The following ROBO2 variants were observed in gnomAD, a reference collection of about 807,000 sequenced individuals.
ROBO2 encodes roundabout homolog 2.
In ROBO2, 53 loss-of-function variants were observed where a neutral mutation model predicts 160.8. The ratio of observed to expected loss-of-function variants is 0.33; its 90% CI spans 0.26 to 0.41. The LOEUF is 0.41. Ranked by LOEUF, ROBO2 falls within the 10% of genes least tolerant of loss-of-function variation. The pLI is 1.00. For synonymous variants in ROBO2, 664 were observed against 611.7 expected, an observed-to-expected ratio of 1.09 and a Z score of -1.26; for missense variants, 1,577 against 1,722.4, an observed-to-expected ratio of 0.92 and a Z score of 1.49.
intron 2 of ROBO2, among the ~76,000 whole-genome samples, chr3:76,676,711 C>T (rs1413236348): frequency 6.6e-6 from 1 of 152,026 alleles, no homozygotes; most frequent in East Asian, 1.9e-4. Flanking sequence ...TATATTTCTC[C>T]GAGGAAATAC....
At chr3:76,492,126 CA>C (rs368448650) in intron 2 of ROBO2, among the ~76,000 whole-genome samples, 3 of 149,500 alleles carry the variant, frequency 2.0e-5, no homozygotes, top group East Asian at 3.9e-4. Context: ...CAAAAACGAA[CA>C]AAAAAAAACA....
chr3:75,998,625 A>T (rs973526659), intron 2 of ROBO2, among the ~76,000 whole-genome samples: 4 of 152,234 alleles, frequency 2.6e-5, no homozygotes, highest in Non-Finnish European at 5.9e-5. Context: ...TTTAGAAAAT[A>T]AAAGGTGTTT....
At chr3:76,711,029 G>A (rs1161465452) in intron 2 of ROBO2, among the ~76,000 whole-genome samples, 1 of 152,092 alleles carries the variant, frequency 6.6e-6, no homozygotes, top group Non-Finnish European at 1.5e-5. Flanking sequence ...ATGGTTGACT[G>A]GTCCATAGAA....
At chr3:76,534,022 G>A (rs755423752) in intron 2 of ROBO2, among the ~76,000 whole-genome samples, 2 of 152,106 alleles carry the variant, frequency 1.3e-5, no homozygotes, top group Non-Finnish European at 2.9e-5. Context: ...TAATGGCTGA[G>A]CTTCAGCTCA....
At chr3:76,000,633 T>C (rs2065860270) in intron 2 of ROBO2, among the ~76,000 whole-genome samples, 1 of 151,640 alleles carries the variant, frequency 6.6e-6, no homozygotes, top group African/African-American at 2.4e-5. Flanking sequence ...GGACTACAGG[T>C]GCCTGCCACC....
At chr3:77,183,581 T>C (rs1392162739) in intron 2 of ROBO2, among the ~76,000 whole-genome samples, 1 of 152,034 alleles carries the variant, frequency 6.6e-6, no homozygotes. Context: ...CCAACCCTGC[T>C]GACCCCTTGA....
chr3:77,163,058 A>G (rs1386360108), intron 2 of ROBO2, among the ~76,000 whole-genome samples: 1 of 151,792 alleles, frequency 6.6e-6, no homozygotes, highest in Non-Finnish European at 1.5e-5. Flanking sequence ...CTGGTCTCGA[A>G]CTCCTGACCT....
chr3:76,187,516 C>A (rs1181917068), intron 2 of ROBO2, among the ~76,000 whole-genome samples: 7 of 152,064 alleles, frequency 4.6e-5, no homozygotes, highest in Non-Finnish European at 1.0e-4. Flanking sequence ...ACAAACCATC[C>A]TCTTGCCTTG....
At chr3:76,871,654 A>G (rs1330624719) in intron 2 of ROBO2, among the ~76,000 whole-genome samples, 2 of 152,234 alleles carry the variant, frequency 1.3e-5, no homozygotes, top group Admixed American at 6.5e-5. Flanking sequence ...TTATACAGAT[A>G]AAACATATTT....
intron 2 of ROBO2, among the ~76,000 whole-genome samples, chr3:76,705,778 A>G (rs2093148269): frequency 6.6e-6 from 1 of 152,124 alleles, no homozygotes; most frequent in Non-Finnish European, 1.5e-5. Flanking sequence ...TGTTTGCAGC[A>G]TGATTTCTTT....
At chr3:76,029,779 G>A (rs1297707496) in intron 2 of ROBO2, among the ~76,000 whole-genome samples, 1 of 152,118 alleles carries the variant, frequency 6.6e-6, no homozygotes, top group Non-Finnish European at 1.5e-5. Context: ...TGGACACTTG[G>A]GTTGGTTCCA....
At chr3:77,174,239 T>C (rs1366306799) in intron 2 of ROBO2, among the ~76,000 whole-genome samples, 3 of 152,024 alleles carry the variant, frequency 2.0e-5, no homozygotes, top group Non-Finnish European at 2.9e-5. Context: ...AAAATTCTTC[T>C]AATCCGAAAT....
chr3:76,567,757 ATC>A (rs1553805902), intron 2 of ROBO2, among the ~76,000 whole-genome samples: 5 of 83,856 alleles, frequency 6.0e-5, no homozygotes, highest in African/African-American at 1.0e-4. Flanking sequence ...ATATATATAT[ATC>A]TGTCTGTGTG....
chr3:76,540,821 A>G (rs969172682), intron 2 of ROBO2, among the ~76,000 whole-genome samples: 1 of 152,054 alleles, frequency 6.6e-6, no homozygotes, highest in Admixed American at 6.6e-5. Context: ...TTTTTTTGAC[A>G]AAGAGTCTTG....
At chr3:77,534,113 G>A (rs1019609605) in intron 6 of ROBO2, among the ~76,000 whole-genome samples, 1 of 152,068 alleles carries the variant, frequency 6.6e-6, no homozygotes, top group African/African-American at 2.4e-5. Flanking sequence ...TGCATCCTCA[G>A]CTTTCTTCAA....
chr3:76,766,127 T>C (rs1224781578), intron 2 of ROBO2, among the ~76,000 whole-genome samples: 1 of 151,682 alleles, frequency 6.6e-6, no homozygotes, highest in Non-Finnish European at 1.5e-5. Context: ...AACCATTGCC[T>C]GAAGTCTCAG....
intron 5 of ROBO2, among the ~76,000 whole-genome samples, chr3:77,500,959 G>C (rs1272614731): frequency 6.6e-6 from 1 of 152,218 alleles, no homozygotes. Flanking sequence ...ATGCTCTGCT[G>C]TCTGTTAACT....
At chr3:76,372,845 G>A (rs2076170319) in intron 2 of ROBO2, among the ~76,000 whole-genome samples, 1 of 151,848 alleles carries the variant, frequency 6.6e-6, no homozygotes, top group South Asian at 2.1e-4. Flanking sequence ...CCCTTCCCCA[G>A]CCTCACCAAA....
intron 2 of ROBO2, among the ~76,000 whole-genome samples, chr3:76,870,845 C>T (rs1176616082): frequency 1.3e-5 from 2 of 150,286 alleles, no homozygotes; most frequent in Non-Finnish European, 3.0e-5. Context: ...TGCATACCCA[C>T]GTTGAGAAAC....
Sources: allele counts gnomAD v4.1 joint callset (sites outside exome capture counted in the v4.1 genomes callset), GRCh38; gene constraint gnomAD v4.1.1; transcripts MANE v1.5; gene names NCBI Gene and HGNC (gene_info 2026-07-23, HGNC 2026-07-21).